Variants in SYNDIG1L observed in about 807,000 individuals in gnomAD.
SYNDIG1L encodes synapse differentiation-inducing gene protein 1-like.
A neutral mutation model predicts 20.1 loss-of-function variants in SYNDIG1L; 13 were observed. The observed-to-expected ratio is 0.65, with a 90% CI of 0.42 to 1.03. The LOEUF (loss-of-function observed/expected upper bound fraction) is 1.03, where lower values mean the gene tolerates loss of function less well. Ranked by LOEUF, SYNDIG1L falls within the 50% of genes least tolerant of loss-of-function variation. The pLI is 0.00. For missense variants in SYNDIG1L, 294 were observed against 305.1 expected (o/e 0.96, Z 0.27); for synonymous variants, 128 against 129.3 (o/e 0.99, Z 0.07).
At chr14:74,449,610 T>TAA in the SYNDIG1L span, among the ~76,000 whole-genome samples, 114 of 124,638 alleles carry the variant, frequency 9.1e-4, no homozygotes, top group African/African-American at 3.2e-3. Flanking sequence ...GACTGTGCCT[T>TAA]AAAAAAAAAA....
In SYNDIG1L at chr14:74,419,513, G is replaced by C. The variant is rs749972801; in HGVS notation, c.-58+6399C>G. 1.5e-3 allele frequency among the ~76,000 whole-genome samples: 226 copies of C among 152,284 alleles called. 10 individuals are homozygous for C. The highest frequency in any genetic ancestry group is 3.4e-3 in the Middle Eastern group (1 of 294). ...GAATACATCTGGCTGAGGCACATTT[G>C]GTTCTGCACAATAAACATTTCTTGA... On this transcript the variant is annotated intron_variant, in intron 1 of 3. Transcript: ENST00000331628.
At chr14:74,424,276 G>C (rs2086247866) in intron 1 of SYNDIG1L, among the ~76,000 whole-genome samples, 1 of 152,174 alleles carries the variant, frequency 6.6e-6, no homozygotes. Context: ...CCCCCAGAGG[G>C]GAATGGACCT....
rs193114520 is a variant in SYNDIG1L, at chr14:74,411,985, T to C, written c.-57-2184A>G. 1.4e-3 allele frequency among the ~76,000 whole-genome samples: 215 copies of C among 152,094 alleles called. 3 individuals carry two copies. Among genetic ancestry groups the C allele is most frequent in the Non-Finnish European group, 4.9e-4 (33 of 67,954 alleles). The stretch of plus-strand genomic sequence containing the variant: ...TGCTGATGCATTAACCAGAGGTGAG[T>C]TCCATATAGGCTGTCATGCAGCTGT... On this transcript the variant is annotated intron_variant, in intron 1 of 3. Coordinates refer to ENST00000331628, the MANE Select transcript of SYNDIG1L (RefSeq NM_001105579.2).
intron 1 of SYNDIG1L, among the ~76,000 whole-genome samples, chr14:74,420,137 C>A (rs2086209550): frequency 6.6e-6 from 1 of 152,032 alleles, no homozygotes; most frequent in Non-Finnish European, 1.5e-5. Context: ...TGGCTCACAC[C>A]TGCAATCCCA....
intron 1 of SYNDIG1L, among the ~76,000 whole-genome samples, chr14:74,411,188 C>T (rs1206831633): frequency 6.6e-6 from 1 of 152,178 alleles, no homozygotes; most frequent in Non-Finnish European, 1.5e-5. Flanking sequence ...GTCTTGACGC[C>T]TTGGGCAGAT....
intron 1 of SYNDIG1L, among the ~76,000 whole-genome samples, chr14:74,419,104 A>C (rs1226614254): frequency 6.6e-6 from 1 of 152,098 alleles, no homozygotes; most frequent in Non-Finnish European, 1.5e-5. Context: ...GTTTGTCAGA[A>C]GCTTCACTCA....
chr14:74,453,363 AAAAAAAAAAAAAAAAAAAAAAAAAAAAAG>A, the SYNDIG1L span, among the ~76,000 whole-genome samples: 4 of 43,956 alleles, frequency 9.1e-5, no homozygotes, highest in African/African-American at 9.0e-4. Context: ...AAAAAAAAAA[AAAAAAAAAAAAAAAAAAAAAAAAAAAAAG>A]AAGAAGAAGA....
intron 1 of SYNDIG1L, among the ~76,000 whole-genome samples, chr14:74,423,891 G>A (rs2086244435): frequency 6.6e-6 from 1 of 151,980 alleles, no homozygotes; most frequent in Admixed American, 6.6e-5. Context: ...GGTGGTGGTG[G>A]CAGGGATAAT....
chr14:74,444,860 A>G, the SYNDIG1L span, among the ~76,000 whole-genome samples: 1 of 152,228 alleles, frequency 6.6e-6, no homozygotes, highest in African/African-American at 2.4e-5. Context: ...GAATCCTCAA[A>G]TCCTGATTCA....
rs757202087 is a variant in SYNDIG1L at position 74,409,360 on chromosome 14, G to A, written c.385C>T (p.Arg129Trp). ...TVSYGVQEEL[R>W]DQEDDQEEEE... ...TCCTCCTGGTCATCCTCCTGGTCCC[G>A]CAGCTCCTCTTGTACCCCATAGGAC... Residue 129 changes from arginine (R) to tryptophan (W), a missense_variant, in exon 2 of 4, where the codon CGG (arginine) becomes TGG (tryptophan). Physicochemically the swap from Arg to Trp is moderately radical, Grantham distance 101. Transcript: ENST00000331628. The A allele has an allele frequency of 1.7e-5, 26 of 1,575,388 alleles. No homozygotes were observed. Among genetic ancestry groups the A allele is most frequent in the Admixed American group, 5.6e-5 (3 of 53,988 alleles).
the SYNDIG1L span, among the ~76,000 whole-genome samples, chr14:74,453,353 A>T: frequency 3.6e-4 from 7 of 19,612 alleles, no homozygotes; most frequent in African/African-American, 3.5e-3. Context: ...ACTCTGTCTC[A>T]AAAAAAAAAA....
chr14:74,439,879 C>CAAA, the SYNDIG1L span, among the ~76,000 whole-genome samples: 9 of 101,934 alleles, frequency 8.8e-5, no homozygotes, highest in African/African-American at 2.9e-4. Flanking sequence ...AACTCCATCT[C>CAAA]AAAAAAAAAA....
chr14:74,445,969 T>C, the SYNDIG1L span, among the ~76,000 whole-genome samples: 1 of 152,198 alleles, frequency 6.6e-6, no homozygotes, highest in African/African-American at 2.4e-5. Context: ...CCCCATTTAA[T>C]GTAAAAGAAA....
At chr14:74,453,211 G>A in the SYNDIG1L span, among the ~76,000 whole-genome samples, 1 of 151,820 alleles carries the variant, frequency 6.6e-6, no homozygotes, top group Non-Finnish European at 1.5e-5. Flanking sequence ...GCCAGGCGTG[G>A]TGGCACATGC....
the SYNDIG1L span, among the ~76,000 whole-genome samples, chr14:74,460,050 A>C: frequency 6.7e-6 from 1 of 149,830 alleles, no homozygotes; most frequent in South Asian, 2.2e-4. Context: ...CCTCCCTCTC[A>C]TCTCTGTGGC....
At chr14:74,428,548 T>C (rs2086282575), upstream of SYNDIG1L, among the ~76,000 whole-genome samples, 1 of 152,166 alleles carries the variant, frequency 6.6e-6, no homozygotes, top group Non-Finnish European at 1.5e-5. Flanking sequence ...GACCAGCAAT[T>C]CCAACACCTT....
chr14:74,417,150 G>A (rs1224423198), intron 1 of SYNDIG1L, among the ~76,000 whole-genome samples: 1 of 152,236 alleles, frequency 6.6e-6, no homozygotes, highest in East Asian at 1.9e-4. Flanking sequence ...GATTTTCTGA[G>A]ATCACACAGC....
intron 1 of SYNDIG1L, among the ~76,000 whole-genome samples, chr14:74,417,976 G>A (rs575009714): frequency 3.9e-5 from 6 of 152,324 alleles, no homozygotes; most frequent in Non-Finnish European, 7.3e-5. Context: ...CTATCTCTCA[G>A]TGCAACAAGA....
the SYNDIG1L span, among the ~76,000 whole-genome samples, chr14:74,442,919 C>G: frequency 1.3e-5 from 2 of 152,138 alleles, no homozygotes; most frequent in African/African-American, 4.8e-5. Flanking sequence ...AAGAGGGACT[C>G]CCAGAGGAGC....
Sources: allele counts gnomAD v4.1 joint callset (sites outside exome capture counted in the v4.1 genomes callset), GRCh38; gene constraint gnomAD v4.1.1; transcripts MANE v1.5; gene names NCBI Gene and HGNC (gene_info 2026-07-23, HGNC 2026-07-21).